Variants in CD177 observed in about 807,000 individuals in gnomAD.
CD177 encodes CD177 molecule.
In CD177, 41 loss-of-function variants were observed where a neutral mutation model predicts 38.1. That is an observed-to-expected ratio of 1.07 (90% confidence interval 0.84 to 1.39). The LOEUF (loss-of-function observed/expected upper bound fraction) is 1.39. Ranked by LOEUF, CD177 falls within the 40% of genes most tolerant of loss-of-function variation. The probability of loss-of-function intolerance (pLI) is 0.00; values close to 1 mark genes in which losing one functional copy is unlikely to be tolerated. For missense variants in CD177, 619 were observed against 523.8 expected, an observed-to-expected ratio of 1.18 and a Z score of -1.77; for synonymous variants, 236 against 216.7, an observed-to-expected ratio of 1.09 and a Z score of -0.78.
chr19:43,359,883 A>T (rs1969935482), intron 5 of CD177, among the ~76,000 whole-genome samples: 1 of 141,460 alleles, frequency 7.1e-6, no homozygotes, highest in Non-Finnish European at 1.5e-5. Context: ...TTTGGAACAT[A>T]GGGCTTTGCA....
Position 43,362,146 on chromosome 19 carries a change from G to A in CD177, c.1140G>A (p.Leu380=). The A allele has an allele frequency of 6.2e-7, 1 of 1,613,786 alleles. No homozygotes were observed. The highest frequency in any genetic ancestry group is 8.5e-7 in the Non-Finnish European group (1 of 1,179,780). ...GCGTGGCCCAACCTTCCAGCTTCTT[G>A]TTGAACCACACCAGACAAATCGGGA... The part of the protein sequence containing the change: ...QGCVAQPSSF[L]LNHTRQIGIF... Residue 380 remains leucine (L), a synonymous_variant, in exon 9 of 9, where the codon TTG becomes TTA. Transcript: ENST00000618265.
downstream of CD177, among the ~76,000 whole-genome samples, chr19:43,364,426 T>G (rs1933335998): frequency 6.6e-6 from 1 of 152,208 alleles, no homozygotes; most frequent in South Asian, 2.1e-4. Context: ...TTGTCTTTAG[T>G]GGGTTTCTGT....
rs201215682 is a variant in CD177 at position 43,362,183 on chromosome 19, C to G, written c.1177C>G (p.Arg393Gly). The G allele has an allele frequency of 3.7e-6, 6 of 1,613,508 alleles. No individual in the cohort carries two copies. Among genetic ancestry groups the G allele is most frequent in the Non-Finnish European group, 5.1e-6 (6 of 1,179,642 alleles). Reference sequence around the variant, plus strand: ...CAGACAAATCGGGATCTTCTCTGCGCGTGAGAAGCGTGATGTGCAGCCTCC... The same window carrying G: ...CAGACAAATCGGGATCTTCTCTGCGGGTGAGAAGCGTGATGTGCAGCCTCC... ...HTRQIGIFSA[R>G]EKRDVQPPAS... Residue 393 changes from arginine to glycine, a missense_variant, in exon 9 of 9, where the codon CGT becomes GGT. Arg to Gly is a moderately radical substitution (Grantham distance 125). Coordinates refer to ENST00000618265, the MANE Select transcript of CD177 (RefSeq NM_020406.4).
In CD177 at chr19:43,362,001, G is replaced by C. The variant is rs566857793; in HGVS notation, c.1082-87G>C. On this transcript the variant is annotated intron_variant, in intron 8 of 8. Transcript: ENST00000618265. Reference sequence around the variant, plus strand: ...GGGGTCTGGGCTCCTCGGTCTGAGGGAGGAGGGTCTGGGGCCTGGACTCCT... The same window carrying C: ...GGGGTCTGGGCTCCTCGGTCTGAGGCAGGAGGGTCTGGGGCCTGGACTCCT... The C allele has an allele frequency of 7.0e-6, 8 of 1,141,688 alleles. No individual in the cohort carries two copies. The South Asian group carries it at 1.1e-4, about 16-fold the overall frequency. The allele number at this position is 1,141,688 out of a possible 1,614,324, so 70.7% of individuals were successfully genotyped here.
rs2122248927 is a variant in CD177, at chr19:43,361,280, A to G, written c.898A>G (p.Asn300Asp). ...CCACTTCTGCTCCTCGGACCTGTGC[A>G]ATAGTGCCAGCAGCAGCAGCGTTCT... ...YTHFCSSDLC[N>D]SASSSSVLLN... Residue 300 changes from asparagine (N) to aspartate (D), a missense_variant, in exon 7 of 9, where the codon AAT becomes GAT. Transcript: ENST00000618265. 5 of 1,553,636 alleles carry G rather than the reference A, an allele frequency of 3.2e-6. No individual in the cohort carries two copies. Among genetic ancestry groups the G allele is most frequent in the South Asian group, 2.3e-5 (2 of 87,774 alleles).
Position 43,354,246 on chromosome 19 carries a change from A to C in CD177, c.233A>C (p.Glu78Ala). 4 of 1,613,728 alleles carry C rather than the reference A, an allele frequency of 2.5e-6. No individual in the cohort carries two copies. The highest frequency in any genetic ancestry group is 3.4e-6 in the Non-Finnish European group (4 of 1,179,796). ...VSLVLSKGCTEAKDQEPRVTE... is the reference protein window; with the variant it reads ...VSLVLSKGCTAAKDQEPRVTE... ...CTGGTGCTCTCCAAGGGCTGCACGG[A>C]GGCCAAGGACCAGGAGCCCCGCGTC... The change falls in exon 3 of 9, where the codon GAG (glutamate) becomes GCG (alanine). Residue 78 changes from glutamate (E) to alanine (A), a missense_variant. Transcript: ENST00000618265.
chr19:43,361,937 C>G, intron 8 of CD177, 151 bp from the exon 9 acceptor site: 1 of 636,380 alleles, frequency 1.6e-6, no homozygotes, highest in Non-Finnish European at 2.7e-6. Flanking sequence ...GGAGGAGGGG[C>G]TGGGGGCCTG....
intron 5 of CD177, among the ~76,000 whole-genome samples, chr19:43,359,913 G>A (rs1379942962): frequency 6.8e-6 from 1 of 147,792 alleles, no homozygotes; most frequent in African/African-American, 2.5e-5. Context: ...TATGAGAAAG[G>A]TCTCAGGCTG....
downstream of CD177, among the ~76,000 whole-genome samples, chr19:43,365,695 C>T (rs565826439): frequency 2.7e-5 from 4 of 147,680 alleles, no homozygotes; most frequent in East Asian, 4.0e-4. Flanking sequence ...AGGCAGCCGC[C>T]GTCCACTTCT....
intron 3 of CD177, among the ~76,000 whole-genome samples, chr19:43,354,747 A>T (rs544258912): frequency 6.6e-6 from 1 of 151,870 alleles, no homozygotes; most frequent in African/African-American, 2.4e-5. Context: ...GGTTTTTGCT[A>T]TTTCCTCTTC....
downstream of CD177, among the ~76,000 whole-genome samples, chr19:43,363,516 C>T (rs1420933549): frequency 6.6e-6 from 1 of 152,214 alleles, no homozygotes; most frequent in Non-Finnish European, 1.5e-5. Context: ...GTCCAGCCCA[C>T]AATGATACTG....
chr19:43,355,291 T>C (rs1210061899), intron 3 of CD177, among the ~76,000 whole-genome samples: 4 of 150,940 alleles, frequency 2.7e-5, no homozygotes, highest in Non-Finnish European at 5.9e-5. Flanking sequence ...TTTTTGTATT[T>C]TTAGTAGAGA....
chr19:43,365,815 G>A (rs61360090), downstream of CD177, among the ~76,000 whole-genome samples: 104,211 of 151,194 alleles, frequency 0.69, 36,251 homozygotes, highest in East Asian at 0.97. Flanking sequence ...GTAGAGGGAG[G>A]GGCAGAAGGA....
At chr19:43,361,608 T>C in intron 8 of CD177, 29 bp downstream of exon 8, 2 of 1,552,684 alleles carry the variant, frequency 1.3e-6, no homozygotes, top group South Asian at 1.2e-5. Context: ...GCCCCAAGGA[T>C]GAAGGCACTG....
At chr19:43,361,652 G>C in intron 8 of CD177, 73 bp downstream of exon 8, 1 of 1,474,280 alleles carries the variant, frequency 6.8e-7, no homozygotes, top group Non-Finnish European at 9.2e-7. Flanking sequence ...GGGAGGAGGG[G>C]CTGGGGGCCT....
chr19:43,355,051 C>G (rs939162531), intron 3 of CD177, among the ~76,000 whole-genome samples: 7 of 142,320 alleles, frequency 4.9e-5, no homozygotes, highest in Non-Finnish European at 9.2e-5. Flanking sequence ...CCTCCTCCAC[C>G]CTGCCCACCC....
chr19:43,355,624 T>C, intron 3 of CD177, 37 bp from the exon 4 acceptor site: 1 of 1,611,392 alleles, frequency 6.2e-7, no homozygotes, highest in Non-Finnish European at 8.5e-7. Context: ...TCCAGTGCCC[T>C]CTCAGTGCCC....
chr19:43,355,599 A>G, intron 3 of CD177, 62 bp from the exon 4 acceptor site: 1 of 1,603,022 alleles, frequency 6.2e-7, no homozygotes, highest in Non-Finnish European at 8.5e-7. Flanking sequence ...GGTGCAGAGA[A>G]GGTATCTGAT....
rs778759283 is a variant in CD177 at position 43,360,272 on chromosome 19, GA to G, written c.628del (p.Thr210ProfsTer9). Reference protein sequence around the residue: ...TENCDMKDFLTCHRGTTIMTH... With the variant: ...TENCDMKDFLXCHRGTTIMTH... ...TGGGATTCCTCTCCCCAGATTTTCT[GA>G]CCTGTCATCGGGGGACCACCATTAT... On this transcript the variant is annotated frameshift_variant, in exon 6 of 9. Coordinates refer to ENST00000618265, the MANE Select transcript of CD177 (RefSeq NM_020406.4). LOFTEE classifies it high-confidence loss of function. 1.2e-6 allele frequency: 2 copies of G among 1,613,082 alleles called. No individual in the cohort carries two copies. Among genetic ancestry groups the G allele is most frequent in the Admixed American group, 3.3e-5 (2 of 59,942 alleles).
Sources: gnomAD v4.1 joint callset for allele counts (sites outside exome capture counted in the v4.1 genomes callset) on GRCh38, gnomAD v4.1.1 for gene constraint, MANE v1.5 for transcripts, NCBI Gene and HGNC (gene_info 2026-07-23, HGNC 2026-07-21) for gene names.